Variants in CCM2L observed in about 807,000 individuals in gnomAD.
CCM2L encodes the protein cerebral cavernous malformations 2 protein-like.
A neutral mutation model predicts 54.1 loss-of-function variants in CCM2L; 36 were observed. The ratio of observed to expected loss-of-function variants is 0.67; its 90% confidence interval spans 0.51 to 0.88. The LOEUF is 0.88. Ranked by LOEUF, CCM2L falls within the 40% of genes least tolerant of loss-of-function variation. CCM2L has a pLI of 0.00. For synonymous variants in CCM2L, 351 were observed against 359.3 expected, an observed-to-expected ratio of 0.98 and a Z score of 0.26; for missense variants, 700 against 812.1, an observed-to-expected ratio of 0.86 and a Z score of 1.68.
intron 2 of CCM2L, among the ~76,000 whole-genome samples, chr20:32,016,365 G>A (rs962479288): frequency 1.4e-4 from 22 of 152,098 alleles, no homozygotes; most frequent in African/African-American, 3.9e-4. Context: ...GTTGATCAAC[G>A]GCCAGGCACG....
At position 32,013,429 on chromosome 20, in the gene CCM2L, T is replaced by TG. The variant is rs537519578; in HGVS notation, c.31-1468dup. 3.2e-3 allele frequency among the ~76,000 whole-genome samples: 487 copies of TG among 151,766 alleles called. 2 individuals are homozygous for TG. Among genetic ancestry groups the TG allele is most frequent in the Middle Eastern group, 0.017 (5 of 294 alleles). On this transcript the variant is annotated intron_variant, in intron 1 of 9. Coordinates refer to ENST00000452892, the MANE Select transcript of CCM2L (RefSeq NM_001365692.1). ...CCCCGTAGTTCGTGTGTGTGTGGAG[T>TG]GGGGGGGTGGGGGTTGTTTGTTTTG...
Position 32,029,696 on chromosome 20 carries a change from A to G in CCM2L, c.1264-4A>G, listed in dbSNP as rs760422829. On this transcript the variant is annotated splice_region_variant and splice_polypyrimidine_tract_variant and intron_variant, in intron 8 of 9. Coordinates refer to ENST00000452892, the MANE Select transcript of CCM2L (RefSeq NM_001365692.1). ...ATTGATCTCGAATGGTGTCCCCCAC[A>G]TAGTTGCGGAGTAAGCTGGGGCCCC... is the stretch of plus-strand genomic sequence containing the variant. 6.2e-7 allele frequency: 1 copy of G among 1,604,990 alleles called. No homozygotes were observed. Among genetic ancestry groups the G allele is most frequent in the South Asian group, 1.1e-5 (1 of 89,888 alleles).
chr20:32,027,284 C>T (rs1275328194), intron 7 of CCM2L, among the ~76,000 whole-genome samples: 1 of 152,198 alleles, frequency 6.6e-6, no homozygotes, highest in African/African-American at 2.4e-5. Context: ...TTTTTAGTGG[C>T]AATAGATTTG....
rs1257904065 is a variant in CCM2L, at chr20:32,031,950, C to T, written c.*636C>T. ...GTTGACTCAGGGGGATGATCTGGGT[C>T]CCATTCTGGTCTTAAGACCCCAAAC... On this transcript the variant is annotated 3_prime_UTR_variant, in exon 10 of 10. Transcript: ENST00000452892. 6.6e-6 allele frequency: 1 copy of T among 152,116 alleles called. No homozygotes were observed. The highest frequency in any genetic ancestry group is 2.4e-5 in the African/African-American group (1 of 41,394). The allele number at this position is 152,116 out of a possible 1,614,324, so 9.4% of individuals were successfully genotyped here.
intron 6 of CCM2L, among the ~76,000 whole-genome samples, chr20:32,025,263 TTTTTC>T (rs1336931947): frequency 1.3e-5 from 2 of 151,466 alleles, no homozygotes; most frequent in Non-Finnish European, 2.9e-5. Context: ...TTTTCTTTTC[TTTTTC>T]TTTTCTTTTA....
rs377506644 is a variant in CCM2L at position 32,020,960 on chromosome 20, C to T, written c.933+1551C>T. 2.0e-4 allele frequency among the ~76,000 whole-genome samples: 30 copies of T among 152,234 alleles called. 1 individual carries two copies. The highest frequency in any genetic ancestry group is 6.8e-3 in the Middle Eastern group (2 of 294). ...CAGCCTGAGCAATAGAGCAAGACTC[C>T]GTCTCAAAACAAAACAAAAAAACAT... On this transcript the variant is annotated intron_variant, in intron 5 of 9. Transcript: ENST00000452892.
chr20:32,010,560 T>TGGGGGCAATTGGGGGGGGGGGG, intron 1 of CCM2L, 76 bp downstream of exon 1: 1 of 105,748 alleles, frequency 9.5e-6, no homozygotes, highest in African/African-American at 8.8e-5. Context: ...TGGGGCGGGG[T>TGGGGGCAATTGGGGGGGGGGGG]GGGGGGTCGG....
intron 6 of CCM2L, among the ~76,000 whole-genome samples, chr20:32,025,332 A>G (rs545516126): frequency 4.0e-5 from 6 of 151,392 alleles, no homozygotes; most frequent in Admixed American, 6.6e-5. Flanking sequence ...GTAGTGGTAC[A>G]ATCACGGCTC....
chr20:32,014,867 C>T, intron 1 of CCM2L, 37 bp from the exon 2 acceptor site: 3 of 1,543,042 alleles, frequency 1.9e-6, no homozygotes, highest in South Asian at 1.2e-5. Context: ...ATAAAAGCAG[C>T]CACTGTTATC....
chr20:32,022,136 T>TA (rs2064811217), intron 5 of CCM2L, among the ~76,000 whole-genome samples: 2 of 150,864 alleles, frequency 1.3e-5, no homozygotes, highest in Admixed American at 1.3e-4. Flanking sequence ...CCCAAGAACT[T>TA]AAACTCCTTC....
intron 5 of CCM2L, 67 bp downstream of exon 5, chr20:32,019,476 GC>G (rs2064782586): frequency 8.1e-6 from 8 of 989,044 alleles, no homozygotes; most frequent in Non-Finnish European, 1.0e-5. Context: ...CCCCCACCTT[GC>G]CCCCGCCCCA....
chr20:32,024,267 G>A (rs1304092193), intron 6 of CCM2L, among the ~76,000 whole-genome samples: 1 of 152,234 alleles, frequency 6.6e-6, no homozygotes, highest in African/African-American at 2.4e-5. Context: ...CTTTTCTTCA[G>A]AAGACCCTCG....
At chr20:32,015,416 A>G (rs1194056153) in intron 2 of CCM2L, among the ~76,000 whole-genome samples, 1 of 152,252 alleles carries the variant, frequency 6.6e-6, no homozygotes, top group Non-Finnish European at 1.5e-5. Flanking sequence ...AGGCATTGCA[A>G]TGGGAATATG....
intron 1 of CCM2L, among the ~76,000 whole-genome samples, chr20:32,013,011 C>T (rs1405958272): frequency 1.3e-5 from 2 of 152,046 alleles, no homozygotes; most frequent in African/African-American, 2.4e-5. Flanking sequence ...CTTAATGGAC[C>T]GAGCTCATTA....
chr20:32,027,533 AATT>A (rs1028672516), intron 7 of CCM2L, among the ~76,000 whole-genome samples: 5 of 152,214 alleles, frequency 3.3e-5, no homozygotes, highest in African/African-American at 9.7e-5. Context: ...TGATGACACT[AATT>A]ATTATTATCC....
intron 8 of CCM2L, among the ~76,000 whole-genome samples, 196 bp from the exon 9 acceptor site, chr20:32,029,504 C>T (rs1435898781): frequency 6.6e-6 from 1 of 152,174 alleles, no homozygotes; most frequent in Non-Finnish European, 1.5e-5. Context: ...TCAAGATTTG[C>T]ACTCAGGCAG....
At chr20:32,028,180 G>A (rs1178143617) in intron 7 of CCM2L, 1 of 152,176 alleles carries the variant, frequency 6.6e-6, no homozygotes, top group Admixed American at 6.6e-5. Context: ...GCTCACGCCT[G>A]TAATCCCAGC....
intron 9 of CCM2L, 91 bp from the exon 10 acceptor site, chr20:32,030,910 G>A (rs1378471040): frequency 8.7e-7 from 1 of 1,155,426 alleles, no homozygotes; most frequent in Admixed American, 3.0e-5. Context: ...TGACAGCAGG[G>A]ATTTGCACCC....
Position 32,018,933 on chromosome 20 carries a change from A to T in CCM2L, c.467-10A>T. 2 of 1,329,218 alleles carry T rather than the reference A, an allele frequency of 1.5e-6. No homozygotes were observed. The highest frequency in any genetic ancestry group is 1.9e-6 in the Non-Finnish European group (2 of 1,041,936). 82.3% of individuals were successfully genotyped at this position (1,329,218 alleles called of 1,614,324 possible). On this transcript the variant is annotated splice_polypyrimidine_tract_variant and intron_variant, in intron 4 of 9. Coordinates refer to ENST00000452892, the MANE Select transcript of CCM2L (RefSeq NM_001365692.1). ...ATCCCCGCGGCTGACGGTCCCCCGGACTCTCCTAGGTCTGGGTGTGGACCC... is the reference window on the plus strand; with the variant it reads ...ATCCCCGCGGCTGACGGTCCCCCGGTCTCTCCTAGGTCTGGGTGTGGACCC...
Sources: allele counts gnomAD v4.1 joint callset (sites outside exome capture counted in the v4.1 genomes callset), GRCh38; gene constraint gnomAD v4.1.1; transcripts MANE v1.5; gene names NCBI Gene and HGNC (gene_info 2026-07-23, HGNC 2026-07-21).